LIMCH1: variants seen among roughly 807,000 people sequenced by gnomAD.
The protein encoded by LIMCH1 is LIM and calponin homology domains 1.
LIMCH1 carries 113 observed loss-of-function variants against 176.5 expected under a neutral mutation model. The ratio of observed to expected loss-of-function variants is 0.64; its 90% CI spans 0.55 to 0.75. The LOEUF is 0.75. Among genes scored for constraint, LIMCH1 ranks in the 30% least tolerant of loss-of-function variants. LIMCH1 has a pLI of 0.00. For missense variants in LIMCH1, 1,674 were observed against 1,814.9 expected, an observed-to-expected ratio of 0.92 and a Z score of 1.41; for synonymous variants, 619 against 645.9, an observed-to-expected ratio of 0.96 and a Z score of 0.63.
chr4:41,592,357 C>G (rs7675561), intron 1 of LIMCH1, among the ~76,000 whole-genome samples: 13,158 of 152,238 alleles, frequency 0.086, 1,859 homozygotes, highest in African/African-American at 0.3. Flanking sequence ...CAGCTACCCT[C>G]CAAATGAACT....
intron 1 of LIMCH1, among the ~76,000 whole-genome samples, chr4:41,570,992 A>G (rs1350943106): frequency 6.6e-6 from 1 of 152,180 alleles, no homozygotes; most frequent in Non-Finnish European, 1.5e-5. Flanking sequence ...CCCTTGGATT[A>G]GCAAGTAAGG....
In LIMCH1 at chr4:41,542,470, A is replaced by T. The variant is rs553826254; in HGVS notation, c.-241+4120A>T. ...TGTGTGAATTTAACAGTAAAAACTT[A>T]AAGGAAGGAAAAAATACCTTCCTTA... On this transcript the variant is annotated intron_variant, in intron 1 of 31. Coordinates refer to ENST00000503057, the MANE Select transcript of LIMCH1 (RefSeq NM_001330672.2). Among the ~76,000 whole-genome samples the T allele has an allele frequency of 1.2e-3, 189 of 152,240 alleles. 2 individuals carry two copies. Among genetic ancestry groups the T allele is most frequent in the African/African-American group, 4.2e-3 (174 of 41,564 alleles).
Position 41,365,751 on chromosome 4 carries a change from A to C in LIMCH1, c.96+4815A>C, listed in dbSNP as rs77449643. Among the ~76,000 whole-genome samples the C allele has an allele frequency of 9.1e-3, 1,380 of 152,354 alleles. 26 individuals carry two copies. The highest frequency in any genetic ancestry group is 0.03 in the African/African-American group (1,252 of 41,574). ...AAATAGTCTAGCTTGTTTGTATACA[A>C]GAGCAGCTATGACACAATGCTGTCA... On this transcript the variant is annotated intron_variant, in intron 1 of 26. Transcript: ENST00000313860.
At chr4:41,538,913 C>T (rs1313284355) in intron 1 of LIMCH1, among the ~76,000 whole-genome samples, 2 of 152,178 alleles carry the variant, frequency 1.3e-5, no homozygotes, top group Admixed American at 6.5e-5. Context: ...GCATCTCCAG[C>T]CTTGCCCACT....
rs544825262 is a variant in LIMCH1 at position 41,630,304 on chromosome 4, G to A, written c.1271+570G>A. On this transcript the variant is annotated intron_variant, in intron 9 of 31. Transcript: ENST00000503057. ...TTATTTTGATGGCTTGAAAAAGTGCGTCTCACATCACAGAGCTGCTGGAGC... is the reference window on the plus strand; with the variant it reads ...TTATTTTGATGGCTTGAAAAAGTGCATCTCACATCACAGAGCTGCTGGAGC... Among the ~76,000 whole-genome samples the A allele has an allele frequency of 3.7e-4, 57 of 152,124 alleles. No individual in the cohort carries two copies. The South Asian group carries it at 0.011, about 28-fold the overall frequency.
intron 2 of LIMCH1, among the ~76,000 whole-genome samples, chr4:41,502,907 T>TCACACACACACACA (rs71650929): frequency 1.4e-5 from 2 of 142,216 alleles, no homozygotes; most frequent in African/African-American, 5.2e-5. Flanking sequence ...CGGAGGTAAA[T>TCACACACACACACA]CACACACACA....
chr4:41,360,429 C>T (rs573863731), upstream of LIMCH1, among the ~76,000 whole-genome samples: 1 of 152,224 alleles, frequency 6.6e-6, no homozygotes, highest in South Asian at 2.1e-4. This position sits in a 1 kb window ranked among gnomAD's most constrained non-coding sequence, Gnocchi z 4.5. Context: ...CCTCAGCAGC[C>T]GGCGGGGCGC....
intron 1 of LIMCH1, among the ~76,000 whole-genome samples, chr4:41,563,210 A>G (rs1216143109): frequency 6.6e-6 from 1 of 152,100 alleles, no homozygotes; most frequent in Non-Finnish European, 1.5e-5. Flanking sequence ...AGCCTCTCCC[A>G]TACTCAGTTT....
chr4:41,691,421 T>G (rs1725550605), intron 30 of LIMCH1, among the ~76,000 whole-genome samples: 1 of 152,056 alleles, frequency 6.6e-6, no homozygotes, highest in Non-Finnish European at 1.5e-5. Flanking sequence ...TTTGTTGCTC[T>G]GAATATCACT....
chr4:41,399,337 A>T (rs993374468), intron 1 of LIMCH1, among the ~76,000 whole-genome samples: 2 of 152,178 alleles, frequency 1.3e-5, no homozygotes, highest in Non-Finnish European at 1.5e-5. Context: ...GGGGGCAGAG[A>T]AAAGGGAGGG....
intron 23 of LIMCH1, among the ~76,000 whole-genome samples, chr4:41,678,508 C>T (rs1268197549): frequency 6.6e-6 from 1 of 152,166 alleles, no homozygotes; most frequent in African/African-American, 2.4e-5. Context: ...CATTCCCCAG[C>T]TAAATGGTGA....
In LIMCH1 at chr4:41,697,325, T is replaced by A; in HGVS notation, c.*140T>A. On this transcript the variant is annotated 3_prime_UTR_variant, in exon 32 of 32. Coordinates refer to ENST00000503057, the MANE Select transcript of LIMCH1 (RefSeq NM_001330672.2). ...AGGCTCTTCTGAAAGGTGGTATCTG[T>A]TCTTTCGTAGCACAGTGTTTATGTT... is the stretch of plus-strand genomic sequence containing the variant. The A allele has an allele frequency of 1.4e-6, 1 of 737,096 alleles. No individual in the cohort carries two copies. The highest frequency in any genetic ancestry group is 1.8e-5 in the South Asian group (1 of 57,112). The allele number at this position is 737,096 out of a possible 1,614,324, so 45.7% of individuals were successfully genotyped here.
intron 3 of LIMCH1, among the ~76,000 whole-genome samples, chr4:41,526,261 C>CTT (rs11384675): frequency 0.021 from 2,738 of 130,982 alleles, 72 homozygotes; most frequent in East Asian, 0.071. Flanking sequence ...CTTGCTATCG[C>CTT]TTTTTTTTTT....
chr4:41,549,266 A>G (rs1329389422), intron 1 of LIMCH1, among the ~76,000 whole-genome samples: 2 of 152,196 alleles, frequency 1.3e-5, no homozygotes, highest in Admixed American at 6.5e-5. Context: ...AACATTTAGT[A>G]TGTGCTCACC....
chr4:41,442,089 G>A (rs1012176071), intron 1 of LIMCH1, among the ~76,000 whole-genome samples: 2 of 151,998 alleles, frequency 1.3e-5, no homozygotes, highest in African/African-American at 4.8e-5. Context: ...AGGCCGAGGT[G>A]GGCAGATCAA....
chr4:41,582,418 C>T (rs1183825097), intron 1 of LIMCH1, among the ~76,000 whole-genome samples: 1 of 152,166 alleles, frequency 6.6e-6, no homozygotes. Context: ...TTATTTATAA[C>T]CTATTGACAT....
intron 23 of LIMCH1, 130 bp from the exon 24 acceptor site, chr4:41,679,876 A>G: frequency 1.7e-6 from 1 of 601,204 alleles, no homozygotes. Context: ...TGCATGAATC[A>G]ATTAAATTCA....
At chr4:41,440,805 A>G (rs60171234) in intron 1 of LIMCH1, among the ~76,000 whole-genome samples, 191 of 152,260 alleles carry the variant, frequency 1.3e-3, no homozygotes, top group African/African-American at 4.4e-3. Context: ...AAGTGCTGGG[A>G]TTATAGGTAT....
At chr4:41,524,047 C>T (rs2076376231) in intron 2 of LIMCH1, among the ~76,000 whole-genome samples, 1 of 152,164 alleles carries the variant, frequency 6.6e-6, no homozygotes, top group African/African-American at 2.4e-5. Context: ...ATGTCTTAGC[C>T]AGGAAAATTG....
Sources: gnomAD v4.1 joint callset for allele counts (sites outside exome capture counted in the v4.1 genomes callset) on GRCh38, gnomAD v4.1.1 for gene constraint, Gnocchi (gnomAD v3.1) non-coding constraint, MANE v1.5 for transcripts, NCBI Gene and HGNC (gene_info 2026-07-23, HGNC 2026-07-21) for gene names.